The following SHROOM3 variants were observed in gnomAD, a reference collection of about 807,000 sequenced individuals.
SHROOM3 encodes the protein shroom family member 3, also known as protein Shroom3.
Under a neutral mutation model 138.6 loss-of-function variants are expected in SHROOM3, and 47 were observed. The ratio of observed to expected loss-of-function variants is 0.34; its 90% CI spans 0.27 to 0.43. The LOEUF (loss-of-function observed/expected upper bound fraction) is 0.43. Among genes scored for constraint, SHROOM3 ranks in the 20% least tolerant of loss-of-function variants. The pLI is 1.00. For synonymous variants in SHROOM3, 1,062 were observed against 1,063.3 expected (o/e 1.00, Z 0.02); for missense variants, 2,491 against 2,596.5 (o/e 0.96, Z 0.88).
rs57089323 is a variant in SHROOM3, at chr4:76,547,932, A to AACACACACACACACACACACACACAC, written c.169-7674_169-7649dup. ...GTGACAGTGCAAGGCCCTGTCTCAA[A>AACACACACACACACACACACACACAC]ACACACACACACACACACACACACA... On this transcript the variant is annotated intron_variant, in intron 1 of 10. Transcript: ENST00000296043. Among the ~76,000 whole-genome samples, 7 of 146,186 alleles carry AACACACACACACACACACACACACAC rather than the reference A, an allele frequency of 4.8e-5. No individual in the cohort carries two copies. The East Asian group carries it at 1.2e-3, about 26-fold the overall frequency.
intron 2 of SHROOM3, among the ~76,000 whole-genome samples, chr4:76,683,298 C>A (rs577512439): frequency 3.3e-4 from 50 of 152,216 alleles, no homozygotes; most frequent in Non-Finnish European, 6.8e-4. Context: ...TTAATCATTT[C>A]TCTGCCCCAC....
chr4:76,755,240 A>C (rs1236985731), intron 7 of SHROOM3, 48 bp downstream of exon 7: 10 of 1,596,538 alleles, frequency 6.3e-6, no homozygotes, highest in African/African-American at 1.3e-5. Flanking sequence ...GGAGAGTGTC[A>C]TGCCCCAGGT....
chr4:76,678,907 C>G (rs898347088), intron 2 of SHROOM3, among the ~76,000 whole-genome samples: 6 of 152,234 alleles, frequency 3.9e-5, no homozygotes, highest in African/African-American at 1.4e-4. Context: ...GGTCATCTGC[C>G]TGCCTCGGCC....
intron 1 of SHROOM3, among the ~76,000 whole-genome samples, chr4:76,438,487 G>A (rs1730604242): frequency 6.6e-6 from 1 of 152,198 alleles, no homozygotes; most frequent in African/African-American, 2.4e-5. Flanking sequence ...CTGTTTAAAT[G>A]TTCCTCATTT....
intron 1 of SHROOM3, among the ~76,000 whole-genome samples, chr4:76,499,381 T>TA (rs1202318596): frequency 1.3e-5 from 2 of 152,232 alleles, no homozygotes; most frequent in Non-Finnish European, 2.9e-5. Context: ...AAATAGTAGT[T>TA]ATGATTAGCT....
At chr4:76,636,756 G>A (rs1196188884) in intron 2 of SHROOM3, among the ~76,000 whole-genome samples, 3 of 152,190 alleles carry the variant, frequency 2.0e-5, no homozygotes, top group East Asian at 1.9e-4. Flanking sequence ...GTGTGAGTGC[G>A]CCCTGTAATG....
At chr4:76,643,270 C>T (rs1173185547) in intron 2 of SHROOM3, among the ~76,000 whole-genome samples, 2 of 151,222 alleles carry the variant, frequency 1.3e-5, no homozygotes, top group Non-Finnish European at 1.5e-5. Context: ...TTGTTAAATG[C>T]CAGTCACTGT....
intron 9 of SHROOM3, among the ~76,000 whole-genome samples, chr4:76,764,440 G>C (rs1722083870): frequency 6.6e-6 from 1 of 152,178 alleles, no homozygotes; most frequent in Non-Finnish European, 1.5e-5. Context: ...GGAGATCACT[G>C]GTTCTCAGCT....
intron 2 of SHROOM3, among the ~76,000 whole-genome samples, chr4:76,660,819 T>C (rs1416700625): frequency 1.3e-5 from 2 of 152,112 alleles, no homozygotes; most frequent in South Asian, 2.1e-4. Flanking sequence ...ATTTTGTTTT[T>C]TGAGACACAG....
At chr4:76,441,766 A>G (rs1730696357) in intron 1 of SHROOM3, among the ~76,000 whole-genome samples, 1 of 152,152 alleles carries the variant, frequency 6.6e-6, no homozygotes, top group African/African-American at 2.4e-5. Context: ...CTTGTTGCCC[A>G]GGCTGGAGTG....
chr4:76,740,545 G>A lies in SHROOM3; in HGVS notation c.2372G>A (p.Arg791Gln), dbSNP rs748625427. The A allele has an allele frequency of 2.5e-6, 4 of 1,614,116 alleles. No homozygotes were observed. Among genetic ancestry groups the A allele is most frequent in the Middle Eastern group, 3.3e-4 (2 of 6,026 alleles). ...VLEKVSKFEQ[R>Q]EQGSQRPSVG... ...GAGAAGGTCTCCAAATTCGAGCAGC[G>A]AGAGCAAGGGAGCCAGAGACCGAGT... The change falls in exon 5 of 11, where the codon CGA becomes CAA. Residue 791 changes from arginine to glutamine, a missense_variant. This residue lies in a region of SHROOM3 where 1,733 missense variants were observed against 1,661.6 expected (regional missense o/e 1.04). Transcript: ENST00000296043. This position sits in a 1 kb window ranked among gnomAD's most constrained non-coding sequence, Gnocchi z 4.0.
chr4:76,744,746 T>TG (rs1340693776), intron 5 of SHROOM3, among the ~76,000 whole-genome samples: 4 of 152,252 alleles, frequency 2.6e-5, no homozygotes, highest in African/African-American at 9.6e-5. Context: ...ATGTGGAGTG[T>TG]GTTTCTGCTG....
intron 1 of SHROOM3, among the ~76,000 whole-genome samples, chr4:76,534,330 T>C (rs1732903258): frequency 6.6e-6 from 1 of 152,212 alleles, no homozygotes; most frequent in South Asian, 2.1e-4. Context: ...GGGACCTTCA[T>C]TGAAACCCCC....
At chr4:76,606,676 C>G (rs919448012) in intron 2 of SHROOM3, among the ~76,000 whole-genome samples, 22 of 152,122 alleles carry the variant, frequency 1.4e-4, no homozygotes, top group Non-Finnish European at 2.8e-4. Flanking sequence ...CCACTCCAGC[C>G]TGGGCAACAG....
chr4:76,661,302 C>G (rs1044194137), intron 2 of SHROOM3, among the ~76,000 whole-genome samples: 1 of 151,874 alleles, frequency 6.6e-6, no homozygotes, highest in Non-Finnish European at 1.5e-5. Flanking sequence ...GCGATCTCGG[C>G]TCACACAAGC....
chr4:76,640,552 C>G (rs1179382328), intron 2 of SHROOM3, among the ~76,000 whole-genome samples: 1 of 152,150 alleles, frequency 6.6e-6, no homozygotes, highest in African/African-American at 2.4e-5. Context: ...GCAGAAAAGC[C>G]AGAAACAGTA....
chr4:76,744,013 G>T (rs778801009), intron 5 of SHROOM3, among the ~76,000 whole-genome samples: 1 of 152,154 alleles, frequency 6.6e-6, no homozygotes, highest in South Asian at 2.1e-4. Flanking sequence ...TTCCCCATTA[G>T]ATATTGTTAT....
At position 76,492,227 on chromosome 4, in the gene SHROOM3, T is replaced by A. The variant is rs141509234; in HGVS notation, c.168+56007T>A. 3.1e-3 allele frequency among the ~76,000 whole-genome samples: 471 copies of A among 152,350 alleles called. 3 individuals are homozygous for A. Among genetic ancestry groups the A allele is most frequent in the African/African-American group, 0.011 (445 of 41,580 alleles). On this transcript the variant is annotated intron_variant, in intron 1 of 10. Coordinates refer to ENST00000296043, the MANE Select transcript of SHROOM3 (RefSeq NM_020859.4). ...CTCTTTTCATTTGCTTCTTCCCACC[T>A]TCCTTGACATTTGCTGGTGTCTGCT...
At chr4:76,644,255 CT>C (rs757146332) in intron 2 of SHROOM3, 326 of 139,104 alleles carry the variant, frequency 2.3e-3, no homozygotes, top group Admixed American at 3.4e-3. Context: ...TTTTCTTTTT[CT>C]TTTTTTTTTT....
Sources: allele counts gnomAD v4.1 joint callset (sites outside exome capture counted in the v4.1 genomes callset), GRCh38; gene constraint gnomAD v4.1.1; regional missense constraint gnomAD v4.1.1; non-coding constraint Gnocchi (gnomAD v3.1); transcripts MANE v1.5; gene names NCBI Gene and HGNC (gene_info 2026-07-23, HGNC 2026-07-21).